ABTB1: variants seen among roughly 807,000 people sequenced by gnomAD.
ABTB1 encodes the protein ankyrin repeat and BTB domain containing 1.
In ABTB1, 45 loss-of-function variants were observed where a neutral mutation model predicts 57.1. That is an observed-to-expected ratio of 0.79 (90% CI 0.62 to 1.01). The LOEUF (loss-of-function observed/expected upper bound fraction) is 1.01. ABTB1 is among the 50% of genes least tolerant of loss of function. The pLI is 0.00. For missense variants in ABTB1, 630 were observed against 666.3 expected (o/e 0.95, Z 0.60); for synonymous variants, 302 against 275.4 (o/e 1.10, Z -0.95).
rs1317900254 is a variant in ABTB1, at chr3:127,680,478, C to T, written c.*3C>T. The T allele has an allele frequency of 6.9e-6, 11 of 1,599,090 alleles. No homozygotes were observed. In the Admixed American group the frequency reaches 1.5e-4, roughly 22 times the overall value. ...TGTCCATCGGTCTGGACTGTTGAGC[C>T]CCTGGCTGGGCAGCCCCAGGGGCCA... On this transcript the variant is annotated 3_prime_UTR_variant, in exon 12 of 12. Coordinates refer to ENST00000232744, the MANE Select transcript of ABTB1 (RefSeq NM_172027.3).
At chr3:127,674,228 G>T (rs374444050) in intron 1 of ABTB1, 163 bp from the exon 2 acceptor site, 20 of 814,274 alleles carry the variant, frequency 2.5e-5, no homozygotes, top group South Asian at 1.8e-4. Flanking sequence ...CCTGCACTTT[G>T]CCTTGAGTGC....
intron 3 of ABTB1, chr3:127,675,486 C>G (rs2074959498): frequency 6.0e-6 from 1 of 166,246 alleles, no homozygotes; most frequent in South Asian, 1.5e-4. Context: ...ACTATGTTGC[C>G]CAGGTTGGTC....
chr3:127,674,728 C>T, intron 3 of ABTB1, 128 bp downstream of exon 3: 1 of 1,148,864 alleles, frequency 8.7e-7, no homozygotes, highest in South Asian at 1.3e-5. Context: ...TCCTCTCTTA[C>T]CACCCAGTCG....
Position 127,673,100 on chromosome 3 carries a change from C to A in ABTB1, c.56+19C>A. On this transcript the variant is annotated intron_variant, in intron 1 of 11. Transcript: ENST00000232744. ...GAGTGCGGTGAGGACCTCGCAGTCC[C>A]GGGGAGGGTGCGGGAGGTGGCCGCC... The A allele has an allele frequency of 6.5e-7, 1 of 1,538,276 alleles. No homozygotes were observed. Among genetic ancestry groups the A allele is most frequent in the Non-Finnish European group, 8.8e-7 (1 of 1,142,256 alleles).
intron 10 of ABTB1, chr3:127,679,516 C>G (rs578193828): frequency 4.4e-6 from 2 of 457,392 alleles, no homozygotes; most frequent in South Asian, 1.5e-5. Flanking sequence ...TCTCCCACCC[C>G]TGGCAGAGTC....
At chr3:127,679,797 G>T (rs1481218771) in intron 10 of ABTB1, 188 bp from the exon 11 acceptor site, 2 of 591,680 alleles carry the variant, frequency 3.4e-6, no homozygotes, top group Non-Finnish European at 6.0e-6. Flanking sequence ...TAGCGGTCCT[G>T]CAGATCCCTG....
Position 127,677,540 on chromosome 3 carries a change from G to A in ABTB1, c.838G>A (p.Gly280Ser). Reference sequence around the variant, plus strand: ...CCCTGACATCTGCTTCCGAGTGGCTGGCTGCAGCTTCCTCTGCCACAAGGT... The same window carrying A: ...CCCTGACATCTGCTTCCGAGTGGCTAGCTGCAGCTTCCTCTGCCACAAGGT... ...SCPDICFRVA[G>S]CSFLCHKAFF... The change falls in exon 9 of 12, where the codon GGC (glycine) becomes AGC (serine). Residue 280 changes from glycine to serine, a missense_variant. Gly to Ser is a moderately conservative substitution (Grantham distance 56). Coordinates refer to ENST00000232744, the MANE Select transcript of ABTB1 (RefSeq NM_172027.3). 1 of 1,614,008 alleles carries A rather than the reference G, an allele frequency of 6.2e-7. No individual in the cohort carries two copies. The highest frequency in any genetic ancestry group is 8.5e-7 in the Non-Finnish European group (1 of 1,180,016).
chr3:127,676,066 T>G lies in ABTB1; in HGVS notation c.272T>G (p.Val91Gly). 1 of 1,613,328 alleles carries G rather than the reference T, an allele frequency of 6.2e-7. No individual in the cohort carries two copies. The highest frequency in any genetic ancestry group is 8.5e-7 in the Non-Finnish European group (1 of 1,179,996). Residue 91 changes from valine to glycine, a missense_variant, in exon 4 of 12, where the codon GTC (valine) becomes GGC (glycine). Val to Gly is a moderately radical substitution (Grantham distance 109, BLOSUM62 -3). This residue lies in a region of ABTB1 where 579 missense variants were observed against 585.9 expected (regional missense o/e 0.99). Coordinates refer to ENST00000232744, the MANE Select transcript of ABTB1 (RefSeq NM_172027.3). This position sits in a 1 kb window ranked among gnomAD's most constrained non-coding sequence, Gnocchi z 5.4. ...CGGGCTCTACGCGATTACAAGCAGG[T>G]CACGGCTTCCTGCAGGAGGCGGGAT... ...IRRALRDYKQ[V>G]TASCRRRDYY...
Position 127,674,419 on chromosome 3 carries a change from G to A in ABTB1, c.85G>A (p.Val29Met). 1 of 1,500,624 alleles carries A rather than the reference G, an allele frequency of 6.7e-7. No individual in the cohort carries two copies. The highest frequency in any genetic ancestry group is 9.0e-7 in the Non-Finnish European group (1 of 1,108,356). The allele number at this position is 1,500,624 out of a possible 1,614,324, so 93.0% of individuals were successfully genotyped here. ...CCTGCTGGAGCAGCGAGACGTGGAG[G>A]TGAATGTGCGGGACAAGTGGGACAG... ...RYLLEQRDVE[V>M]NVRDKWDSTP... is the part of the protein sequence containing the mutation. The change falls in exon 2 of 12, where the codon GTG becomes ATG. Residue 29 changes from valine to methionine, a missense_variant. Around this residue, in one of 3 missense-constraint regions of ABTB1, gnomAD observed 579 missense variants for 585.9 expected, o/e 0.99. Transcript: ENST00000232744.
chr3:127,674,197 G>C, intron 1 of ABTB1, 194 bp from the exon 2 acceptor site: 1 of 644,316 alleles, frequency 1.6e-6, no homozygotes, highest in Non-Finnish European at 2.7e-6. Context: ...CTGCCTGTTC[G>C]ACCCCACCTC....
chr3:127,679,964 T>G, intron 10 of ABTB1, 21 bp from the exon 11 acceptor site: 1 of 1,612,020 alleles, frequency 6.2e-7, no homozygotes, highest in South Asian at 1.1e-5. Flanking sequence ...GGGGGCACCT[T>G]CATCCCTGTC....
At chr3:127,673,294 C>A in intron 1 of ABTB1, 1 of 384,712 alleles carries the variant, frequency 2.6e-6, no homozygotes, top group Non-Finnish European at 4.4e-6. Context: ...GCCATTGACC[C>A]CCGGAGGGCT....
Position 127,677,179 on chromosome 3 carries a change from C to G in ABTB1, c.655C>G (p.Pro219Ala), listed in dbSNP as rs752900417. Residue 219 changes from proline (P) to alanine (A), a missense_variant, in exon 8 of 12, where the codon CCA becomes GCA. Pro to Ala is a conservative substitution (Grantham distance 27). This residue lies in a region of ABTB1 where 579 missense variants were observed against 585.9 expected (regional missense o/e 0.99). Transcript: ENST00000232744. Reference sequence around the variant, plus strand: ...TTCTTCCCCTGTAGTGGCGTCTAAGCCAGGCACGTGTGTGAAGGTGCTGAC... The same window carrying G: ...TTCTTCCCCTGTAGTGGCGTCTAAGGCAGGCACGTGTGTGAAGGTGCTGAC... ...EKVSEFVASK[P>A]GTCVKVLTIE... 1.9e-6 allele frequency: 3 copies of G among 1,613,320 alleles called. No individual in the cohort carries two copies. The East Asian group carries it at 6.7e-5, about 36-fold the overall frequency.
At chr3:127,675,681 G>T (rs996228266) in intron 3 of ABTB1, 2 of 495,284 alleles carry the variant, frequency 4.0e-6, no homozygotes, top group African/African-American at 1.9e-5. Context: ...CTCGTTCACT[G>T]CTGTGCTCCA....
chr3:127,680,086 CGAG>C lies in ABTB1; in HGVS notation c.1134_1136del (p.Glu378del). The C allele has an allele frequency of 6.2e-7, 1 of 1,613,890 alleles. No homozygotes were observed. Among genetic ancestry groups the C allele is most frequent in the Non-Finnish European group, 8.5e-7 (1 of 1,180,034 alleles). ...GCCGCAGCCTGGCTCAGATGCTAGACGAGGACACTGTGGTGGGTGTGTGGCGCG... is the reference window on the plus strand; with the variant it reads ...GCCGCAGCCTGGCTCAGATGCTAGACGACACTGTGGTGGGTGTGTGGCGCG... On this transcript the variant is annotated inframe_deletion, in exon 11 of 12. Transcript: ENST00000232744.
Position 127,680,252 on chromosome 3 carries a change from G to T in ABTB1, c.1231-17G>T. The T allele has an allele frequency of 1.2e-6, 2 of 1,613,498 alleles. No individual in the cohort carries two copies. Among genetic ancestry groups the T allele is most frequent in the Non-Finnish European group, 1.7e-6 (2 of 1,179,800 alleles). ...GGGCAGGCACCCCTCCACTGAGCTG[G>T]CCCTTCCCGCTCATAGCTGGTGGAG... is the stretch of plus-strand genomic sequence containing the variant. On this transcript the variant is annotated splice_polypyrimidine_tract_variant and intron_variant, in intron 11 of 11. Coordinates refer to ENST00000232744, the MANE Select transcript of ABTB1 (RefSeq NM_172027.3).
rs781367530 is a variant in ABTB1 at position 127,676,038 on chromosome 3, C to A, written c.244C>A (p.Arg82Ser). The A allele has an allele frequency of 1.2e-6, 2 of 1,612,930 alleles. No individual in the cohort carries two copies. The highest frequency in any genetic ancestry group is 1.7e-6 in the Non-Finnish European group (2 of 1,179,956). The change falls in exon 4 of 12, where the codon CGC (arginine) becomes AGC (serine). Residue 82 changes from arginine (R) to serine (S), a missense_variant. Transcript: ENST00000232744. This position sits in a 1 kb window ranked among gnomAD's most constrained non-coding sequence, Gnocchi z 5.4. Reference sequence around the variant, plus strand: ...CTATGGGGCACTGAGTGACCCCATCCGCCGGGCTCTACGCGATTACAAGCA... The same window carrying A: ...CTATGGGGCACTGAGTGACCCCATCAGCCGGGCTCTACGCGATTACAAGCA... ...CLYGALSDPI[R>S]RALRDYKQVT...
chr3:127,677,909 C>T, intron 10 of ABTB1, 66 bp downstream of exon 10: 1 of 1,561,508 alleles, frequency 6.4e-7, no homozygotes, highest in Non-Finnish European at 8.7e-7. Context: ...GAGGGAGCGC[C>T]AGGGCCCTGG....
chr3:127,679,179 G>C (rs2107560109), intron 10 of ABTB1: 1 of 223,186 alleles, frequency 4.5e-6, no homozygotes, highest in East Asian at 1.5e-4. Flanking sequence ...TACTGGTTGA[G>C]CTGTGTGACA....
Sources: gnomAD v4.1 joint callset for allele counts on GRCh38, gnomAD v4.1.1 for gene constraint, gnomAD v4.1.1 regional missense constraint, Gnocchi (gnomAD v3.1) non-coding constraint, MANE v1.5 for transcripts, NCBI Gene and HGNC (gene_info 2026-07-23, HGNC 2026-07-21) for gene names.